The following RABGEF1 variants were observed in gnomAD, a reference collection of about 807,000 sequenced individuals.
The protein encoded by RABGEF1 is RAB guanine nucleotide exchange factor 1.
RABGEF1 carries 26 observed loss-of-function variants against 57.3 expected under a neutral mutation model. That is an observed-to-expected ratio of 0.45 (90% CI 0.33 to 0.63). The LOEUF (loss-of-function observed/expected upper bound fraction) is 0.63, where lower values mean the gene tolerates loss of function less well. RABGEF1 is among the 20% of genes least tolerant of loss of function. RABGEF1 has a pLI of 0.02. For missense variants in RABGEF1, 464 were observed against 607.6 expected (o/e 0.76, Z 2.48); for synonymous variants, 185 against 210.7 (o/e 0.88, Z 1.06).
the RABGEF1 span, among the ~76,000 whole-genome samples, chr7:66,675,635 AAT>A: frequency 1.3e-5 from 2 of 152,292 alleles, no homozygotes; most frequent in East Asian, 3.9e-4. Context: ...GAAAGGAAGA[AAT>A]AAAATTTTTC....
intron 7 of RABGEF1, among the ~76,000 whole-genome samples, chr7:66,803,257 GT>G (rs987456804): frequency 1.3e-5 from 2 of 152,194 alleles, no homozygotes; most frequent in Non-Finnish European, 2.9e-5. Flanking sequence ...CCCACACGTT[GT>G]CTTTCATGGC....
At chr7:66,708,601 TGA>T (rs1414351284) in intron 1 of RABGEF1, among the ~76,000 whole-genome samples, 1 of 152,146 alleles carries the variant, frequency 6.6e-6, no homozygotes, top group African/African-American at 2.4e-5. Flanking sequence ...CCCAGGAGTT[TGA>T]GACCAGCTTG....
the RABGEF1 span, among the ~76,000 whole-genome samples, chr7:66,664,604 T>G: frequency 7.9e-5 from 12 of 152,002 alleles, no homozygotes; most frequent in African/African-American, 2.9e-4. Context: ...ACCGTGTCTC[T>G]TAAATTTAAA....
At chr7:66,678,018 T>G (rs1397624895), upstream of RABGEF1, among the ~76,000 whole-genome samples, 1 of 151,016 alleles carries the variant, frequency 6.6e-6, no homozygotes, top group Admixed American at 6.6e-5. Context: ...GAGCCAAGAT[T>G]GTGACACTGC....
intron 3 of RABGEF1, 63 bp from the exon 4 acceptor site, chr7:66,783,612 A>G (rs1562847523): frequency 7.2e-7 from 1 of 1,383,602 alleles, no homozygotes; most frequent in Non-Finnish European, 9.7e-7. Flanking sequence ...TAAGATACTT[A>G]AAGTAATTCC....
At chr7:66,727,303 A>G (rs910656514) in intron 2 of RABGEF1, among the ~76,000 whole-genome samples, 5 of 152,198 alleles carry the variant, frequency 3.3e-5, no homozygotes, top group Non-Finnish European at 7.4e-5. Flanking sequence ...TCCGTGGGAC[A>G]GGGTGAGTCA....
rs146496339 is a variant in RABGEF1 at position 66,699,050 on chromosome 7, G to A, written c.-872-13117G>A. ...TCTGGGAAGTCACTGAGACAGAGCCGCATGGAGGAGCGGGGAGATATCTGG... is the reference window on the plus strand; with the variant it reads ...TCTGGGAAGTCACTGAGACAGAGCCACATGGAGGAGCGGGGAGATATCTGG... On this transcript the variant is annotated intron_variant and NMD_transcript_variant, in intron 1 of 9. Coordinates refer to the RABGEF1 transcript ENST00000607882. Among the ~76,000 whole-genome samples the A allele has an allele frequency of 1.4e-3, 207 of 152,288 alleles. 1 individual carries two copies. The highest frequency in any genetic ancestry group is 6.0e-3 in the South Asian group (29 of 4,818).
intron 1 of RABGEF1, among the ~76,000 whole-genome samples, chr7:66,688,315 A>G (rs562394136): frequency 6.6e-6 from 1 of 152,286 alleles, no homozygotes; most frequent in African/African-American, 2.4e-5. Flanking sequence ...GAAGAGTTTC[A>G]CAGTGATCAT....
chr7:66,797,237 G>T, intron 5 of RABGEF1, 137 bp from the exon 6 acceptor site: 1 of 842,392 alleles, frequency 1.2e-6, no homozygotes, highest in South Asian at 1.8e-5. Flanking sequence ...CCAGGAGGTG[G>T]AGGTTTCAGT....
intron 4 of RABGEF1, among the ~76,000 whole-genome samples, chr7:66,790,412 A>G (rs1338324004): frequency 6.6e-6 from 1 of 152,140 alleles, no homozygotes; most frequent in East Asian, 1.9e-4. Flanking sequence ...TATCTCACAC[A>G]TGAAAACCCA....
At chr7:66,749,358 A>C (rs116358120) in intron 1 of RABGEF1, among the ~76,000 whole-genome samples, 176 of 152,266 alleles carry the variant, frequency 1.2e-3, no homozygotes, top group African/African-American at 4.1e-3. Context: ...CCTTGCCTAA[A>C]TATAGTTATG....
At chr7:66,767,657 G>C (rs980767382) in intron 1 of RABGEF1, among the ~76,000 whole-genome samples, 7 of 152,070 alleles carry the variant, frequency 4.6e-5, no homozygotes, top group African/African-American at 1.7e-4. Flanking sequence ...CTCATGACTG[G>C]GGCTTGTAAG....
At chr7:66,803,223 G>C (rs1787696053) in intron 7 of RABGEF1, among the ~76,000 whole-genome samples, 1 of 152,230 alleles carries the variant, frequency 6.6e-6, no homozygotes, top group Non-Finnish European at 1.5e-5. Context: ...AATAATGCCT[G>C]TGCACTGCCT....
intron 2 of RABGEF1, among the ~76,000 whole-genome samples, chr7:66,719,671 C>T (rs1290904741): frequency 6.6e-6 from 1 of 152,184 alleles, no homozygotes; most frequent in African/African-American, 2.4e-5. Flanking sequence ...AACTCTGATA[C>T]CAAAACCAAA....
the RABGEF1 span, among the ~76,000 whole-genome samples, chr7:66,663,150 C>G: frequency 6.6e-6 from 1 of 152,242 alleles, no homozygotes; most frequent in South Asian, 2.1e-4. Flanking sequence ...CTAACCCAAC[C>G]TATTCCTTTA....
the RABGEF1 span, among the ~76,000 whole-genome samples, chr7:66,670,163 T>G: frequency 6.6e-6 from 1 of 152,216 alleles, no homozygotes; most frequent in Non-Finnish European, 1.5e-5. Flanking sequence ...GACCTGGTGC[T>G]GCCTCACCTC....
At chr7:66,690,629 C>T (rs903520482) in intron 1 of RABGEF1, among the ~76,000 whole-genome samples, 11 of 151,424 alleles carry the variant, frequency 7.3e-5, no homozygotes, top group Admixed American at 2.0e-4. Context: ...GTGAAAGGAT[C>T]TGGGAAGTTG....
intron 1 of RABGEF1, among the ~76,000 whole-genome samples, chr7:66,763,492 C>G (rs190820920): frequency 5.1e-4 from 78 of 152,344 alleles, no homozygotes; most frequent in Non-Finnish European, 8.1e-4. Flanking sequence ...ACTTCACATT[C>G]TGTCTCTTCT....
intron 2 of RABGEF1, among the ~76,000 whole-genome samples, chr7:66,726,612 C>T (rs117106945): frequency 0.12 from 18,123 of 151,994 alleles, 1,248 homozygotes; most frequent in East Asian, 0.2. Context: ...AGTAATCCCC[C>T]GACCTCAGCC....
Sources: allele counts gnomAD v4.1 joint callset (sites outside exome capture counted in the v4.1 genomes callset), GRCh38; gene constraint gnomAD v4.1.1; transcripts MANE v1.5; gene names NCBI Gene and HGNC (gene_info 2026-07-23, HGNC 2026-07-21).